CSMD1: variants seen among roughly 807,000 people sequenced by gnomAD.
CSMD1 encodes CUB and Sushi multiple domains 1.
CSMD1 carries 213 observed loss-of-function variants against 417.5 expected under a neutral mutation model. The ratio of observed to expected loss-of-function variants is 0.51; its 90% confidence interval spans 0.46 to 0.57. The LOEUF (loss-of-function observed/expected upper bound fraction) is 0.57, where lower values mean the gene tolerates loss of function less well. Among genes scored for constraint, CSMD1 ranks in the 20% least tolerant of loss-of-function variants. CSMD1 has a pLI of 0.00. For synonymous variants in CSMD1, 2,862 were observed against 1,736.8 expected, an observed-to-expected ratio of 1.65 and a Z score of -16.11; for missense variants, 6,923 against 4,529.7, an observed-to-expected ratio of 1.53 and a Z score of -15.17.
chr8:4,102,062 C>G (rs1801332116), intron 3 of CSMD1, among the ~76,000 whole-genome samples: 2 of 152,126 alleles, frequency 1.3e-5, no homozygotes, highest in South Asian at 4.2e-4. Context: ...CTGAGATCAG[C>G]AAGTTTTACC....
chr8:3,945,619 C>G (rs1013093604), intron 5 of CSMD1, among the ~76,000 whole-genome samples: 1 of 152,076 alleles, frequency 6.6e-6, no homozygotes, highest in African/African-American at 2.4e-5. Context: ...AACTAATGTA[C>G]TGGTTAACTC....
intron 3 of CSMD1, among the ~76,000 whole-genome samples, chr8:4,126,184 C>T (rs935137563): frequency 2.6e-5 from 4 of 152,108 alleles, no homozygotes; most frequent in South Asian, 4.1e-4. Context: ...ACCAAATTAC[C>T]ATTAAAAACC....
intron 2 of CSMD1, among the ~76,000 whole-genome samples, chr8:4,607,125 T>C (rs1412887687): frequency 7.2e-5 from 11 of 152,170 alleles, no homozygotes; most frequent in Non-Finnish European, 1.5e-4. Context: ...GGAGCACTTT[T>C]TTTTACCTGG....
intron 1 of CSMD1, among the ~76,000 whole-genome samples, chr8:4,674,315 T>A (rs1296119692): frequency 6.6e-6 from 1 of 151,940 alleles, no homozygotes; most frequent in Non-Finnish European, 1.5e-5. Flanking sequence ...GGATTGAGGC[T>A]GAAAAAAATG....
intron 1 of CSMD1, among the ~76,000 whole-genome samples, chr8:4,685,179 G>T (rs897853296): frequency 6.6e-6 from 1 of 152,108 alleles, no homozygotes; most frequent in Non-Finnish European, 1.5e-5. Flanking sequence ...GACAAGAAAG[G>T]GCACAAGGAA....
At chr8:3,244,502 C>G (rs117631395) in intron 26 of CSMD1, among the ~76,000 whole-genome samples, 2 of 152,256 alleles carry the variant, frequency 1.3e-5, no homozygotes, top group African/African-American at 2.4e-5. Flanking sequence ...AAGGTCCCAG[C>G]CAAGTACACC....
At chr8:3,820,976 G>A (rs1381575053) in intron 5 of CSMD1, among the ~76,000 whole-genome samples, 1 of 152,010 alleles carries the variant, frequency 6.6e-6, no homozygotes, top group African/African-American at 2.4e-5. Context: ...GAGTGCAATG[G>A]TGCAAACTCG....
intron 9 of CSMD1, among the ~76,000 whole-genome samples, chr8:3,580,773 G>A (rs1026097633): frequency 6.6e-6 from 1 of 152,100 alleles, no homozygotes; most frequent in African/African-American, 2.4e-5. Flanking sequence ...CCTGACACTG[G>A]ATCTATAACC....
Position 4,154,987 on chromosome 8 carries a change from G to C in CSMD1, c.416-122888C>G, listed in dbSNP as rs1049135102. ...AGTGGGCTACCCTAATGCTACTCCAGAAACACGACTGCAAGTTTCTGCAGT... is the reference window on the plus strand; with the variant it reads ...AGTGGGCTACCCTAATGCTACTCCACAAACACGACTGCAAGTTTCTGCAGT... On this transcript the variant is annotated intron_variant, in intron 3 of 69. Coordinates refer to ENST00000635120, the MANE Select transcript of CSMD1 (RefSeq NM_033225.6). Among the ~76,000 whole-genome samples the C allele has an allele frequency of 2.0e-5, 3 of 152,164 alleles. No individual in the cohort carries two copies. The East Asian group carries it at 5.8e-4, about 29-fold the overall frequency.
chr8:3,760,763 G>A (rs374257152), intron 5 of CSMD1, among the ~76,000 whole-genome samples: 83 of 152,308 alleles, frequency 5.4e-4, no homozygotes, highest in African/African-American at 1.0e-3. Context: ...AATCATCAGA[G>A]AAATGTCTGG....
intron 1 of CSMD1, among the ~76,000 whole-genome samples, chr8:4,913,324 A>C (rs1156934045): frequency 1.3e-5 from 2 of 152,180 alleles, no homozygotes; most frequent in East Asian, 1.9e-4. Context: ...TACTTGCAAT[A>C]ATTGTTTACA....
chr8:4,665,402 G>C lies in CSMD1; in HGVS notation c.86-27844C>G, dbSNP rs1242764925. The stretch of plus-strand genomic sequence containing the variant: ...GTGAACGGGTCCATGAGTCGTGAAA[G>C]TTATGTCACACATAACCATGAGTAA... On this transcript the variant is annotated intron_variant, in intron 1 of 69. Coordinates refer to ENST00000635120, the MANE Select transcript of CSMD1 (RefSeq NM_033225.6). 2.6e-5 allele frequency among the ~76,000 whole-genome samples: 4 copies of C among 152,282 alleles called. No homozygotes were observed. The East Asian group carries it at 7.7e-4, about 29-fold the overall frequency.
chr8:3,504,777 A>G (rs901510841), intron 10 of CSMD1, among the ~76,000 whole-genome samples: 5 of 152,182 alleles, frequency 3.3e-5, no homozygotes, highest in African/African-American at 1.2e-4. Context: ...CAAACTACTT[A>G]GATGAAGAAA....
In CSMD1 at chr8:3,643,506, T is replaced by C. The variant is rs981155175; in HGVS notation, c.1010-26709A>G. Among the ~76,000 whole-genome samples the C allele has an allele frequency of 3.3e-5, 5 of 151,878 alleles. No homozygotes were observed. In the East Asian group the frequency reaches 7.8e-4, roughly 24 times the overall value. On this transcript the variant is annotated intron_variant, in intron 7 of 69. Transcript: ENST00000635120. ...TCACAAGGTCAGGAGATCGAAACCA[T>C]CCTGGCTAACACAGTGAAATCCAGT...
chr8:4,138,305 A>G (rs911391791), intron 3 of CSMD1, among the ~76,000 whole-genome samples: 1 of 150,364 alleles, frequency 6.7e-6, no homozygotes, highest in African/African-American at 2.5e-5. Context: ...TCAGAATCAT[A>G]CACTTCAGAG....
chr8:4,174,268 G>A (rs752809107), intron 3 of CSMD1, among the ~76,000 whole-genome samples: 1 of 152,174 alleles, frequency 6.6e-6, no homozygotes, highest in Non-Finnish European at 1.5e-5. Flanking sequence ...TCTTCAGCAA[G>A]AATAGAGGCT....
intron 2 of CSMD1, among the ~76,000 whole-genome samples, chr8:4,603,988 A>G (rs1461207211): frequency 6.6e-6 from 1 of 152,170 alleles, no homozygotes; most frequent in East Asian, 1.9e-4. Flanking sequence ...ACATGTTATA[A>G]TCTATTCACT....
chr8:4,618,296 A>ATGTCTTAT (rs939226468), intron 2 of CSMD1, among the ~76,000 whole-genome samples: 11 of 79,458 alleles, frequency 1.4e-4, no homozygotes, highest in Non-Finnish European at 2.2e-4. Context: ...AAGCTCAGCC[A>ATGTCTTAT]TGTCCCTCAT....
intron 3 of CSMD1, among the ~76,000 whole-genome samples, chr8:4,088,112 A>T (rs1431598412): frequency 6.6e-6 from 1 of 152,252 alleles, no homozygotes; most frequent in African/African-American, 2.4e-5. Context: ...GAGGAAGGAT[A>T]GCTGCAGTGG....
Sources: allele counts gnomAD v4.1 joint callset (sites outside exome capture counted in the v4.1 genomes callset), GRCh38; gene constraint gnomAD v4.1.1; transcripts MANE v1.5; gene names NCBI Gene and HGNC (gene_info 2026-07-23, HGNC 2026-07-21).